DCAF8: variants seen among roughly 807,000 people sequenced by gnomAD.
DCAF8 encodes DDB1 and CUL4 associated factor 8, also known as DDB1- and CUL4-associated factor 8.
In DCAF8, 20 loss-of-function variants were observed where a neutral mutation model predicts 68.0. The ratio of observed to expected loss-of-function variants is 0.29; its 90% confidence interval spans 0.21 to 0.43. The LOEUF (loss-of-function observed/expected upper bound fraction) is 0.43. Ranked by LOEUF, DCAF8 falls within the 20% of genes least tolerant of loss-of-function variation. DCAF8 has a pLI of 1.00. For missense variants in DCAF8, 460 were observed against 771.0 expected (o/e 0.60, Z 4.78); for synonymous variants, 230 against 276.9 (o/e 0.83, Z 1.68).
rs1176307824 is a variant in DCAF8, at chr1:160,216,614, A to C, written c.*978T>G. The C allele has an allele frequency of 6.5e-6, 1 of 152,686 alleles. No individual in the cohort carries two copies. The highest frequency in any genetic ancestry group is 1.5e-5 in the Non-Finnish European group (1 of 68,056). 9.5% of individuals were successfully genotyped at this position (152,686 alleles called of 1,614,324 possible). Reference sequence around the variant, plus strand: ...GTCCCAATCTCTAGTGACCATACACAGAGGTAAACTGACCCCAGGTGTCAC... The same window carrying C: ...GTCCCAATCTCTAGTGACCATACACCGAGGTAAACTGACCCCAGGTGTCAC... On this transcript the variant is annotated 3_prime_UTR_variant, in exon 14 of 14. Transcript: ENST00000368074.
In DCAF8 at chr1:160,231,388, C is replaced by G; in HGVS notation, c.979G>C (p.Glu327Gln). 6.2e-7 allele frequency: 1 copy of G among 1,613,944 alleles called. No homozygotes were observed. The highest frequency in any genetic ancestry group is 8.5e-7 in the Non-Finnish European group (1 of 1,179,850). The part of the protein sequence containing the change: ...RPASKLVVTK[E>Q]KEKKVGLYTI... The stretch of plus-strand genomic sequence containing the variant: ...TACAGCCCCACTTTCTTCTCTTTCT[C>G]TTTTGTCACCACCAGTTTCCTTTAA... Residue 327 changes from glutamate (E) to glutamine (Q), a missense_variant, in exon 7 of 14, where the codon GAG becomes CAG. Around this residue, in one of 8 missense-constraint regions of DCAF8, gnomAD observed 170 missense variants for 318.2 expected, o/e 0.53. Transcript: ENST00000368074.
At chr1:160,243,904 G>A (rs1656218000) in intron 3 of DCAF8, 56 bp downstream of exon 3, 4 of 1,570,486 alleles carry the variant, frequency 2.5e-6, no homozygotes, top group Admixed American at 1.7e-5. Context: ...CTTGCAGGGA[G>A]GAGGACAACC....
At chr1:160,221,877 C>T (rs1008279019) in intron 11 of DCAF8, among the ~76,000 whole-genome samples, 4 of 150,594 alleles carry the variant, frequency 2.7e-5, no homozygotes, top group African/African-American at 9.8e-5. Flanking sequence ...GAGCTGATTG[C>T]TCTTCATTCC....
intron 7 of DCAF8, among the ~76,000 whole-genome samples, chr1:160,229,295 C>CA (rs199888208): frequency 0.02 from 2,763 of 139,612 alleles, 79 homozygotes; most frequent in African/African-American, 0.06. Flanking sequence ...GACTCTGTCT[C>CA]AAAAAAAAAA....
At chr1:160,236,330 ACATATGTGTG>A (rs1655883470) in intron 6 of DCAF8, among the ~76,000 whole-genome samples, 2 of 152,022 alleles carry the variant, frequency 1.3e-5, no homozygotes, top group African/African-American at 2.4e-5. Flanking sequence ...GTATATAAAT[ACATATGTGTG>A]TATATGTGTG....
rs1376482204 is a variant in DCAF8, at chr1:160,216,238, G to A, written c.*1354C>T. On this transcript the variant is annotated 3_prime_UTR_variant, in exon 14 of 14. Transcript: ENST00000368074. ...TCACTCTTCTATAAAGAAGGGAACTGGCATGAAGTTGGATGGCTTAATGAT... is the reference window on the plus strand; with the variant it reads ...TCACTCTTCTATAAAGAAGGGAACTAGCATGAAGTTGGATGGCTTAATGAT... 6 of 152,224 alleles carry A rather than the reference G, an allele frequency of 3.9e-5. No homozygotes were observed. Among genetic ancestry groups the A allele is most frequent in the East Asian group, 1.9e-4 (1 of 5,164 alleles). 9.4% of individuals were successfully genotyped at this position (152,224 alleles called of 1,614,324 possible).
Position 160,228,836 on chromosome 1 carries a change from A to C in DCAF8, c.1070+2461T>G, listed in dbSNP as rs77962469. On this transcript the variant is annotated intron_variant, in intron 7 of 13. Coordinates refer to ENST00000368074, the MANE Select transcript of DCAF8 (RefSeq NM_015726.4). The stretch of plus-strand genomic sequence containing the variant: ...GCAAAAATGTTTTCAAATTTATACC[A>C]GAAGATGAGCTGTTTGGGTTCTTTC... 1.8e-3 allele frequency among the ~76,000 whole-genome samples: 275 copies of C among 152,362 alleles called. 4 individuals are homozygous for C. In the East Asian group the frequency reaches 0.027, roughly 15 times the overall value.
In DCAF8 at chr1:160,260,435, G is replaced by A. The variant is rs188319016; in HGVS notation, c.-27+850C>T. ...TGAGCATTTTCTAATTCAGTCATCA[G>A]ATGGAATAAAACTCACCAGTGTCAC... On this transcript the variant is annotated intron_variant, in intron 2 of 13. Transcript: ENST00000368074. Among the ~76,000 whole-genome samples, 95 of 152,220 alleles carry A rather than the reference G, an allele frequency of 6.2e-4. 1 individual carries two copies. In the East Asian group the frequency reaches 0.016, roughly 26 times the overall value.
rs200843224 is a variant in DCAF8 at position 160,231,339 on chromosome 1, T to C, written c.1028A>G (p.Asn343Ser). 4.9e-5 allele frequency: 79 copies of C among 1,614,182 alleles called. No homozygotes were observed. The highest frequency in any genetic ancestry group is 4.7e-5 in the Non-Finnish European group (56 of 1,180,018). Residue 343 changes from asparagine to serine, a missense_variant, in exon 7 of 14, where the codon AAT becomes AGT. This residue lies in a region of DCAF8 where 170 missense variants were observed against 318.2 expected (regional missense o/e 0.53). Transcript: ENST00000368074. ...TCCACCCACTGCAAACTGGTGGGTA[T>C]TGGCAGGATTCACATAGATCGTATA... is the stretch of plus-strand genomic sequence containing the variant. Reference protein sequence around the residue: ...GLYTIYVNPANTHQFAVGGRD... With the variant: ...GLYTIYVNPASTHQFAVGGRD...
At position 160,239,491 on chromosome 1, in the gene DCAF8, G is replaced by T. The variant is rs188453255; in HGVS notation, c.723+206C>A. The T allele has an allele frequency of 2.8e-4, 416 of 1,473,736 alleles. 6 individuals are homozygous for T. In the Middle Eastern group the frequency reaches 5.2e-3, roughly 18 times the overall value. The allele number at this position is 1,473,736 out of a possible 1,614,324, so 91.3% of individuals were successfully genotyped here. A position where few individuals can be genotyped will look rare whatever the true frequency, so the allele number is the denominator to read the frequency against. On this transcript the variant is annotated intron_variant, in intron 4 of 13. Coordinates refer to ENST00000368074, the MANE Select transcript of DCAF8 (RefSeq NM_015726.4). ...AAGCTGCATGCACCCTACCTATGAG[G>T]CTTCCAACAGTCCACATGCTCAAGG...
chr1:160,239,657 G>C (rs1021634206), intron 4 of DCAF8, 40 bp downstream of exon 4: 3 of 1,614,064 alleles, frequency 1.9e-6, no homozygotes, highest in Non-Finnish European at 2.5e-6. Context: ...TCTAACTCAT[G>C]CCTGATTCTC....
chr1:160,242,329 A>C (rs1656150063), intron 3 of DCAF8, among the ~76,000 whole-genome samples: 1 of 152,084 alleles, frequency 6.6e-6, no homozygotes, highest in South Asian at 2.1e-4. Flanking sequence ...GAAGTACAGA[A>C]ATTTGAACCC....
chr1:160,247,191 T>C (rs1003822715), intron 2 of DCAF8, among the ~76,000 whole-genome samples: 1 of 152,156 alleles, frequency 6.6e-6, no homozygotes, highest in Admixed American at 6.5e-5. Context: ...TCCCAGGTAG[T>C]TGGAGGAGTT....
chr1:160,261,925 G>A, intron 1 of DCAF8: 1 of 161,442 alleles, frequency 6.2e-6, no homozygotes, highest in African/African-American at 2.4e-5. Context: ...CGTACAAGGT[G>A]CTGGGCCTGG....
chr1:160,231,861 CCTTAAGGTCAGA>C (rs1451313601), intron 6 of DCAF8, among the ~76,000 whole-genome samples: 1 of 152,142 alleles, frequency 6.6e-6, no homozygotes. Context: ...CTAAAAAAGA[CCTTAAGGTCAGA>C]GACTATTGCT....
intron 10 of DCAF8, 30 bp downstream of exon 10, chr1:160,224,412 G>A (rs1348038618): frequency 1.6e-5 from 25 of 1,563,712 alleles, no homozygotes; most frequent in Non-Finnish European, 2.2e-5. Context: ...AACAGGCTTG[G>A]GCCAAAGAAA....
At chr1:160,258,881 G>A (rs1275158421) in intron 2 of DCAF8, among the ~76,000 whole-genome samples, 1 of 152,188 alleles carries the variant, frequency 6.6e-6, no homozygotes, top group Non-Finnish European at 1.5e-5. Context: ...AACAGTCCAA[G>A]TTATCCCTCT....
chr1:160,244,118 T>A, intron 2 of DCAF8, 84 bp from the exon 3 acceptor site: 1 of 989,346 alleles, frequency 1.0e-6, no homozygotes, highest in Non-Finnish European at 1.6e-6. Flanking sequence ...TTTAACAATG[T>A]ACAGGTTTTA....
At chr1:160,259,174 A>G (rs1208068593) in intron 2 of DCAF8, among the ~76,000 whole-genome samples, 1 of 152,228 alleles carries the variant, frequency 6.6e-6, no homozygotes, top group Non-Finnish European at 1.5e-5. Context: ...AGAAAAGCCA[A>G]CAAAAGGTTT....
Sources: gnomAD v4.1 joint callset for allele counts (sites outside exome capture counted in the v4.1 genomes callset) on GRCh38, gnomAD v4.1.1 for gene constraint, gnomAD v4.1.1 regional missense constraint, MANE v1.5 for transcripts, NCBI Gene and HGNC (gene_info 2026-07-23, HGNC 2026-07-21) for gene names.